Variants in SNAI1 observed in about 807,000 individuals in gnomAD.
SNAI1 encodes zinc finger protein SNAI1.
In SNAI1, 15 loss-of-function variants were observed where a neutral mutation model predicts 24.7. The ratio of observed to expected loss-of-function variants is 0.61; its 90% CI spans 0.41 to 0.93. SNAI1 has a LOEUF of 0.93. Among genes scored for constraint, SNAI1 ranks in the 40% least tolerant of loss-of-function variants. The probability of loss-of-function intolerance (pLI) is 0.00; values close to 1 mark genes in which losing one functional copy is unlikely to be tolerated. For synonymous variants in SNAI1, 163 were observed against 142.9 expected, an observed-to-expected ratio of 1.14 and a Z score of -1.00; for missense variants, 283 against 336.7, an observed-to-expected ratio of 0.84 and a Z score of 1.25.
At chr20:49,986,030 G>A (rs1019880188) in intron 2 of SNAI1, among the ~76,000 whole-genome samples, 3 of 132,588 alleles carry the variant, frequency 2.3e-5, no homozygotes, top group Admixed American at 2.1e-4. Context: ...TACTGTACAG[G>A]AGGGTAGTGC....
intron 1 of SNAI1, 84 bp downstream of exon 1, chr20:49,983,225 G>C: frequency 9.6e-7 from 1 of 1,038,408 alleles, no homozygotes; most frequent in Non-Finnish European, 1.5e-6. Flanking sequence ...GAGGCGGCCT[G>C]CCTGAGCCAG....
In SNAI1 at chr20:49,984,260, C is replaced by A. The variant is rs147900082; in HGVS notation, c.519C>A (p.Ile173=). 13 of 1,614,068 alleles carry A rather than the reference C, an allele frequency of 8.1e-6. No homozygotes were observed. Among genetic ancestry groups the A allele is most frequent in the Non-Finnish European group, 9.3e-6 (11 of 1,180,038 alleles). ...YLSLGALKMH[I]RSHTLPCVCG... is the part of the protein sequence containing the mutation. ...GCCTGGGTGCCCTCAAGATGCACAT[C>A]CGAAGCCACACGCTGCCCTGCGTCT... The change falls in exon 2 of 3, where the codon ATC becomes ATA. Residue 173 remains isoleucine (I), a synonymous_variant. Coordinates refer to ENST00000244050, the MANE Select transcript of SNAI1 (RefSeq NM_005985.4).
At position 49,983,872 on chromosome 20, in the gene SNAI1, T is replaced by G; in HGVS notation, c.131T>G (p.Ile44Ser). ...GACCAGGCCCACCTGCTGGCAGCCATCCCACCTCCGGAGATCCTCAACCCC... is the reference window on the plus strand; with the variant it reads ...GACCAGGCCCACCTGCTGGCAGCCAGCCCACCTCCGGAGATCCTCAACCCC... The part of the protein sequence containing the change: ...PYDQAHLLAA[I>S]PPPEILNPTA... Residue 44 changes from isoleucine to serine, a missense_variant, in exon 2 of 3, where the codon ATC (isoleucine) becomes AGC (serine). Physicochemically the swap from Ile to Ser is moderately radical, Grantham distance 142 (BLOSUM62 -2). Coordinates refer to ENST00000244050, the MANE Select transcript of SNAI1 (RefSeq NM_005985.4). 6.2e-7 allele frequency: 1 copy of G among 1,611,350 alleles called. No homozygotes were observed. Among genetic ancestry groups the G allele is most frequent in the South Asian group, 1.1e-5 (1 of 90,918 alleles).
intron 1 of SNAI1, among the ~76,000 whole-genome samples, 166 bp from the exon 2 acceptor site, chr20:49,983,633 TACGTGTGAGAGACTCAGATTGGGTG>T (rs995614893): frequency 1.3e-5 from 2 of 152,030 alleles, no homozygotes; most frequent in Middle Eastern, 3.4e-3. Context: ...CTGGGGGTCC[TACGTGTGAGAGACTCAGATTGGGTG>T]ACCTGGGCGA....
At chr20:49,986,912 T>A (rs2078335623) in intron 2 of SNAI1, among the ~76,000 whole-genome samples, 1 of 152,196 alleles carries the variant, frequency 6.6e-6, no homozygotes, top group Non-Finnish European at 1.5e-5. Flanking sequence ...GAGGCATGAG[T>A]GAGGGGGCAG....
intron 1 of SNAI1, among the ~76,000 whole-genome samples, chr20:49,983,403 A>C (rs1438026067): frequency 7.9e-6 from 1 of 126,860 alleles, no homozygotes; most frequent in Non-Finnish European, 1.5e-5. Flanking sequence ...GAGCTCCGCA[A>C]GAGGGGAAGG....
rs573703613 is a variant in SNAI1 at position 49,987,960 on chromosome 20, C to G, written c.699C>G (p.Val233=). The G allele has an allele frequency of 1.5e-5, 24 of 1,614,104 alleles. No individual in the cohort carries two copies. In the South Asian group the frequency reaches 2.5e-4, roughly 17 times the overall value. ...CCCACCTCCAGACCCACTCAGATGT[C>G]AAGAAGTACCAGTGCCAGGCGTGTG... ...LRAHLQTHSD[V]KKYQCQACAR... is the part of the protein sequence containing the mutation. The change falls in exon 3 of 3, where the codon GTC becomes GTG. Residue 233 remains valine, a synonymous_variant. Transcript: ENST00000244050.
Position 49,984,236 on chromosome 20 carries a change from C to T in SNAI1, c.495C>T (p.Ser165=), listed in dbSNP as rs1334634902. ...NCKYCNKEYL[S]LGALKMHIRS... ...AATACTGCAACAAGGAATACCTCAG[C>T]CTGGGTGCCCTCAAGATGCACATCC... Residue 165 remains serine, a synonymous_variant, in exon 2 of 3, where the codon AGC becomes AGT. Transcript: ENST00000244050. 3 of 1,614,106 alleles carry T rather than the reference C, an allele frequency of 1.9e-6. No individual in the cohort carries two copies. Among genetic ancestry groups the T allele is most frequent in the South Asian group, 2.2e-5 (2 of 91,094 alleles).
rs537353951 is a variant in SNAI1 at position 49,988,734 on chromosome 20, G to A, written c.*678G>A. 1.3e-5 allele frequency: 2 copies of A among 152,764 alleles called. No homozygotes were observed. Among genetic ancestry groups the A allele is most frequent in the Admixed American group, 6.5e-5 (1 of 15,300 alleles). 9.5% of individuals were successfully genotyped at this position (152,764 alleles called of 1,614,324 possible). On this transcript the variant is annotated 3_prime_UTR_variant, in exon 3 of 3. Transcript: ENST00000244050. ...ATGTGTCTCCCAGAACTATTCTGGGGGCCCGACAGGTGGGCCTGGGAGGAA... is the reference window on the plus strand; with the variant it reads ...ATGTGTCTCCCAGAACTATTCTGGGAGCCCGACAGGTGGGCCTGGGAGGAA...
chr20:49,983,157 T>C lies in SNAI1; in HGVS notation c.82+16T>C, dbSNP rs2078322220. Reference sequence around the variant, plus strand: ...TCTAATCCAGGTGCGTTGGAGGGGTTCTGGGCTCCAGGAGGTTTGGGGGAG... The same window carrying C: ...TCTAATCCAGGTGCGTTGGAGGGGTCCTGGGCTCCAGGAGGTTTGGGGGAG... On this transcript the variant is annotated intron_variant, in intron 1 of 2. Transcript: ENST00000244050. 6.2e-7 allele frequency: 1 copy of C among 1,604,118 alleles called. No individual in the cohort carries two copies. The highest frequency in any genetic ancestry group is 8.5e-7 in the Non-Finnish European group (1 of 1,171,756).
In SNAI1 at chr20:49,982,999, T is replaced by C. The variant is rs765296004; in HGVS notation, c.-61T>C. On this transcript the variant is annotated 5_prime_UTR_variant, in exon 1 of 3. Transcript: ENST00000244050. ...GCATTCATTGCGCCGCGGCACGGCC[T>C]AGCGAGTGGTTCTTCTGCGCTACTG... is the stretch of plus-strand genomic sequence containing the variant. 2.8e-5 allele frequency: 31 copies of C among 1,096,530 alleles called. No individual in the cohort carries two copies. Among genetic ancestry groups the C allele is most frequent in the Non-Finnish European group, 3.5e-5 (27 of 764,246 alleles). 67.9% of individuals were successfully genotyped at this position (1,096,530 alleles called of 1,614,324 possible).
chr20:49,983,891 C>T lies in SNAI1; in HGVS notation c.150C>T (p.Leu50=). ...LLAAIPPPEI[L]NPTASLPMLI... ...CAGCCATCCCACCTCCGGAGATCCTCAACCCCACCGCCTCGCTGCCAATGC... is the reference window on the plus strand; with the variant it reads ...CAGCCATCCCACCTCCGGAGATCCTTAACCCCACCGCCTCGCTGCCAATGC... Residue 50 remains leucine (L), a synonymous_variant, in exon 2 of 3, where the codon CTC becomes CTT. Transcript: ENST00000244050. The T allele has an allele frequency of 6.2e-7, 1 of 1,613,104 alleles. No homozygotes were observed. The highest frequency in any genetic ancestry group is 1.3e-5 in the African/African-American group (1 of 75,042).
rs574652446 is a variant in SNAI1, at chr20:49,984,344, C to T, written c.603C>T (p.Thr201=). 9.4e-6 allele frequency: 15 copies of T among 1,601,284 alleles called. No homozygotes were observed. Among genetic ancestry groups the T allele is most frequent in the Non-Finnish European group, 1.2e-5 (14 of 1,174,628 alleles). Residue 201 remains threonine, a synonymous_variant, in exon 2 of 3, where the codon ACC becomes ACT. Transcript: ENST00000244050. Reference sequence around the variant, plus strand: ...GGCTGCTACAAGGCCATGTCCGGACCCACACTGGTACGTGCCCCTCCAGGC... The same window carrying T: ...GGCTGCTACAAGGCCATGTCCGGACTCACACTGGTACGTGCCCCTCCAGGC... ...RPWLLQGHVR[T]HTGEKPFSCP...
intron 2 of SNAI1, among the ~76,000 whole-genome samples, chr20:49,986,665 T>C (rs2078334951): frequency 6.6e-6 from 1 of 152,130 alleles, no homozygotes; most frequent in Admixed American, 6.5e-5. Flanking sequence ...GGGTCTTGCT[T>C]TATCGCCTAG....
At chr20:49,985,691 G>A (rs1448579182) in intron 2 of SNAI1, among the ~76,000 whole-genome samples, 2 of 152,224 alleles carry the variant, frequency 1.3e-5, no homozygotes, top group Admixed American at 6.5e-5. Context: ...CCCAGTGGGT[G>A]GGGGCTGGGA....
intron 1 of SNAI1, 75 bp downstream of exon 1, chr20:49,983,216 A>C: frequency 8.7e-7 from 1 of 1,146,926 alleles, no homozygotes; most frequent in Non-Finnish European, 1.3e-6. Flanking sequence ...CACCTGAGGG[A>C]GGCGGCCTGC....
intron 2 of SNAI1, among the ~76,000 whole-genome samples, chr20:49,987,476 T>C (rs1453507155): frequency 6.6e-6 from 1 of 152,170 alleles, no homozygotes; most frequent in African/African-American, 2.4e-5. Context: ...TCACTGTCTC[T>C]GAAATGAGAC....
At chr20:49,983,606 G>T (rs1192596914) in intron 1 of SNAI1, among the ~76,000 whole-genome samples, 6 of 151,878 alleles carry the variant, frequency 4.0e-5, no homozygotes, top group Admixed American at 2.6e-4. Flanking sequence ...GGGAGATCAG[G>T]AAATGACCTC....
intron 2 of SNAI1, among the ~76,000 whole-genome samples, chr20:49,987,402 G>A (rs535514288): frequency 5.3e-5 from 8 of 152,288 alleles, no homozygotes; most frequent in Non-Finnish European, 1.0e-4. Flanking sequence ...AGGGCAGTAG[G>A]TGAAATCAGA....
Sources: allele counts gnomAD v4.1 joint callset (sites outside exome capture counted in the v4.1 genomes callset), GRCh38; gene constraint gnomAD v4.1.1; transcripts MANE v1.5; gene names NCBI Gene and HGNC (gene_info 2026-07-23, HGNC 2026-07-21).